Variants in DNAH6 observed in about 807,000 individuals in gnomAD.
DNAH6 encodes axonemal beta dynein heavy chain 6.
A neutral mutation model predicts 491.4 loss-of-function variants in DNAH6; 340 were observed. That is an observed-to-expected ratio of 0.69 (90% CI 0.63 to 0.76). The LOEUF is 0.76. DNAH6 is among the 30% of genes least tolerant of loss of function. The pLI, the probability that DNAH6 is intolerant of heterozygous loss-of-function variation, is 0.00. For missense variants in DNAH6, 4,443 were observed against 4,972.2 expected, an observed-to-expected ratio of 0.89 and a Z score of 3.20; for synonymous variants, 1,603 against 1,686.1, an observed-to-expected ratio of 0.95 and a Z score of 1.21.
chr2:84,620,726 A>C (rs1558808319), intron 24 of DNAH6, among the ~76,000 whole-genome samples: 1 of 152,202 alleles, frequency 6.6e-6, no homozygotes, highest in Non-Finnish European at 1.5e-5. Context: ...CAAGGATAGA[A>C]TCTTGGGAAA....
At chr2:84,540,034 A>G (rs1483434077) in intron 4 of DNAH6, among the ~76,000 whole-genome samples, 1 of 152,172 alleles carries the variant, frequency 6.6e-6, no homozygotes, top group Non-Finnish European at 1.5e-5. Context: ...CACCCAAATC[A>G]TAATACTTTA....
At chr2:84,748,199 A>C (rs1022517004) in intron 63 of DNAH6, among the ~76,000 whole-genome samples, 1 of 150,160 alleles carries the variant, frequency 6.7e-6, no homozygotes, top group East Asian at 1.9e-4. Context: ...GCCTCTTAGA[A>C]TCCTTTCCTG....
chr2:84,759,736 A>G (rs1412183724), intron 63 of DNAH6, among the ~76,000 whole-genome samples: 1 of 152,138 alleles, frequency 6.6e-6, no homozygotes, highest in Non-Finnish European at 1.5e-5. Context: ...AAATACCAAC[A>G]TCACTTTTCA....
intron 62 of DNAH6, among the ~76,000 whole-genome samples, chr2:84,744,637 T>C (rs560156806): frequency 4.3e-4 from 66 of 152,356 alleles, no homozygotes; most frequent in African/African-American, 1.4e-3. Context: ...TTATTTGACA[T>C]ATTTTTATGC....
At chr2:84,612,296 A>C (rs189350648) in intron 22 of DNAH6, among the ~76,000 whole-genome samples, 14 of 152,234 alleles carry the variant, frequency 9.2e-5, no homozygotes, top group African/African-American at 3.1e-4. Context: ...ACTAGTAAAA[A>C]TATTACCACT....
chr2:84,773,109 A>G (rs1675786279), intron 64 of DNAH6, among the ~76,000 whole-genome samples: 1 of 152,106 alleles, frequency 6.6e-6, no homozygotes, highest in Admixed American at 6.6e-5. Flanking sequence ...CCTTAGATTC[A>G]GGTTTCTTAA....
the DNAH6 span, among the ~76,000 whole-genome samples, chr2:84,480,212 A>T: frequency 3.3e-5 from 5 of 152,158 alleles, no homozygotes; most frequent in Non-Finnish European, 7.3e-5. Context: ...TGTCTTCCAA[A>T]TTTTCCCCGA....
At chr2:84,746,155 A>G (rs1024947556) in intron 63 of DNAH6, among the ~76,000 whole-genome samples, 6 of 152,182 alleles carry the variant, frequency 3.9e-5, no homozygotes, top group Non-Finnish European at 7.4e-5. Context: ...GTCAGCTCAT[A>G]TGGAAGTAGG....
the DNAH6 span, among the ~76,000 whole-genome samples, chr2:84,474,374 A>T: frequency 6.6e-6 from 1 of 152,090 alleles, no homozygotes; most frequent in African/African-American, 2.4e-5. Flanking sequence ...CCATTGCTCT[A>T]CCCAAACCGG....
In DNAH6 at chr2:84,557,827, C is replaced by G. The variant is rs770630270; in HGVS notation, c.1695C>G (p.Ser565Arg). Residue 565 changes from serine (S) to arginine (R), a missense_variant, in exon 11 of 77, where the codon AGC (serine) becomes AGG (arginine). Physicochemically the swap from Ser to Arg is moderately radical, Grantham distance 110. Around this residue, in one of 3 missense-constraint regions of DNAH6, gnomAD observed 2,977 missense variants for 3,296.6 expected, o/e 0.90. Transcript: ENST00000389394. ...VPDSYFDAFT[S>R]PYINNKLEGK... is the part of the protein sequence containing the mutation. ...ATTCGTATTTTGATGCTTTCACCAGCCCTTATATTAACAACAAACTTGAAG... is the reference window on the plus strand; with the variant it reads ...ATTCGTATTTTGATGCTTTCACCAGGCCTTATATTAACAACAAACTTGAAG... 2 of 1,613,080 alleles carry G rather than the reference C, an allele frequency of 1.2e-6. No individual in the cohort carries two copies. Among genetic ancestry groups the G allele is most frequent in the Non-Finnish European group, 1.7e-6 (2 of 1,179,430 alleles).
At position 84,595,790 on chromosome 2, in the gene DNAH6, G is replaced by T; in HGVS notation, c.2868+1G>T. The T allele has an allele frequency of 6.5e-7, 1 of 1,544,130 alleles. No individual in the cohort carries two copies. Among genetic ancestry groups the T allele is most frequent in the Non-Finnish European group, 8.7e-7 (1 of 1,144,722 alleles). ...CAAGGTGGAAAAAATGAAAGAAAAGGTAAGGTTGGTAGAAGTTATTTCAAA... is the reference window on the plus strand; with the variant it reads ...CAAGGTGGAAAAAATGAAAGAAAAGTTAAGGTTGGTAGAAGTTATTTCAAA... On this transcript the variant is annotated splice_donor_variant, in intron 18 of 76. Transcript: ENST00000389394. LOFTEE classifies it high-confidence loss of function.
intron 70 of DNAH6, among the ~76,000 whole-genome samples, chr2:84,803,004 G>C (rs1279799851): frequency 6.6e-6 from 1 of 152,092 alleles, no homozygotes; most frequent in Non-Finnish European, 1.5e-5. Flanking sequence ...AAAATTATTT[G>C]AAACAAATGA....
intron 11 of DNAH6, among the ~76,000 whole-genome samples, chr2:84,571,503 T>G (rs764046547): frequency 6.6e-6 from 1 of 152,150 alleles, no homozygotes; most frequent in Non-Finnish European, 1.5e-5. Flanking sequence ...AATTTAAATC[T>G]GAGTCTAATC....
At position 84,784,649 on chromosome 2, in the gene DNAH6, C is replaced by T. The variant is rs1435319338; in HGVS notation, c.10865-73C>T. On this transcript the variant is annotated intron_variant, in intron 65 of 76. Coordinates refer to ENST00000389394, the MANE Select transcript of DNAH6 (RefSeq NM_001370.2). The stretch of plus-strand genomic sequence containing the variant: ...CATTTTTTCCTTCTCTAGAAATAAT[C>T]ATGTCTTATAGAAAAGTGCTACTAC... The T allele has an allele frequency of 1.1e-5, 10 of 892,592 alleles. No individual in the cohort carries two copies. In the East Asian group the frequency reaches 2.6e-4, roughly 24 times the overall value. 55.3% of individuals were successfully genotyped at this position (892,592 alleles called of 1,614,324 possible). A position where few individuals can be genotyped will look rare whatever the true frequency, so the allele number is the denominator to read the frequency against.
intron 35 of DNAH6, among the ~76,000 whole-genome samples, chr2:84,657,151 G>T (rs1691059360): frequency 6.6e-6 from 1 of 151,878 alleles, no homozygotes; most frequent in Non-Finnish European, 1.5e-5. Context: ...ACTTATGCAG[G>T]TCTATTTCTG....
chr2:84,817,100 A>G (rs1680559782), intron 76 of DNAH6, among the ~76,000 whole-genome samples: 2 of 152,228 alleles, frequency 1.3e-5, no homozygotes, highest in African/African-American at 4.8e-5. Context: ...CACAAAGTGG[A>G]AGGAATGATT....
chr2:84,593,721 A>G (rs544379406), intron 16 of DNAH6, among the ~76,000 whole-genome samples: 1 of 152,250 alleles, frequency 6.6e-6, no homozygotes, highest in South Asian at 2.1e-4. Flanking sequence ...TTTGGAGAAT[A>G]TTTAAGTTCT....
At chr2:84,614,428 C>T (rs532215239) in intron 22 of DNAH6, among the ~76,000 whole-genome samples, 3 of 152,248 alleles carry the variant, frequency 2.0e-5, no homozygotes, top group South Asian at 4.1e-4. Context: ...TTTATCCACT[C>T]ATTGATTGAT....
intron 63 of DNAH6, among the ~76,000 whole-genome samples, chr2:84,748,841 G>A (rs1673198241): frequency 6.6e-6 from 1 of 152,114 alleles, no homozygotes; most frequent in Non-Finnish European, 1.5e-5. Flanking sequence ...AAGTCCATTG[G>A]GCTCACAGTT....
Sources: gnomAD v4.1 joint callset for allele counts (sites outside exome capture counted in the v4.1 genomes callset) on GRCh38, gnomAD v4.1.1 for gene constraint, gnomAD v4.1.1 regional missense constraint, MANE v1.5 for transcripts, NCBI Gene and HGNC (gene_info 2026-07-23, HGNC 2026-07-21) for gene names.